PHETA1: variants seen among roughly 807,000 people sequenced by gnomAD.
PHETA1 encodes the protein PH domain containing endocytic trafficking adaptor 1, also known as sesquipedalian-1.
For missense variants in PHETA1, 348 were observed against 373.5 expected, an observed-to-expected ratio of 0.93 and a Z score of 0.56; for synonymous variants, 155 against 168.9, an observed-to-expected ratio of 0.92 and a Z score of 0.64.
chr12:111,364,616 C>G (rs560776997), intron 2 of PHETA1, among the ~76,000 whole-genome samples: 2 of 151,862 alleles, frequency 1.3e-5, no homozygotes, highest in Admixed American at 1.3e-4. Flanking sequence ...TACTAAAAAA[C>G]AGCCAGGTGA....
chr12:111,364,654 C>T (rs1280588265), intron 2 of PHETA1, among the ~76,000 whole-genome samples: 1 of 151,864 alleles, frequency 6.6e-6, no homozygotes, highest in Non-Finnish European at 1.5e-5. Context: ...ATCCCAGCTA[C>T]TTGGGAGACT....
chr12:111,363,136 G>C lies in PHETA1; in HGVS notation c.292C>G (p.Gln98Glu). ...ARTYVLAAES[Q>E]DAMEGWVKAL... ...TTGACCCAGCCCTCCATGGCATCCT[G>C]ACTCTCAGCGGCCAGCACGTAGGTG... Residue 98 changes from glutamine (Q) to glutamate (E), a missense_variant, in exon 3 of 3, where the codon CAG becomes GAG. By Grantham distance (29) the Gln-to-Glu change is conservative. Coordinates refer to ENST00000683047, the MANE Select transcript of PHETA1 (RefSeq NM_144671.6). This position sits in a 1 kb window ranked among gnomAD's most constrained non-coding sequence, Gnocchi z 7.4. 6.2e-7 allele frequency: 1 copy of C among 1,609,586 alleles called. No homozygotes were observed. Among genetic ancestry groups the C allele is most frequent in the Non-Finnish European group, 8.5e-7 (1 of 1,179,608 alleles).
rs976828554 is a variant in PHETA1 at position 111,361,438 on chromosome 12, G to C, written c.*1240C>G. On this transcript the variant is annotated 3_prime_UTR_variant, in exon 3 of 3. Transcript: ENST00000683047. Reference sequence around the variant, plus strand: ...AGAGGCAGCGTTTGGGAAAATCAAGGTCAGGGTGGAGGTGTCCTCAGGGGG... The same window carrying C: ...AGAGGCAGCGTTTGGGAAAATCAAGCTCAGGGTGGAGGTGTCCTCAGGGGG... 6.3e-6 allele frequency: 1 copy of C among 158,134 alleles called. No individual in the cohort carries two copies. Among genetic ancestry groups the C allele is most frequent in the Admixed American group, 6.1e-5 (1 of 16,446 alleles). The allele number at this position is 158,134 out of a possible 1,614,324, so 9.8% of individuals were successfully genotyped here.
intron 1 of PHETA1, among the ~76,000 whole-genome samples, chr12:111,366,517 C>T (rs1869042387): frequency 6.6e-6 from 1 of 152,172 alleles, no homozygotes; most frequent in Non-Finnish European, 1.5e-5. Context: ...TCTTCCAAAT[C>T]AGTTGCCTAA....
rs780501638 is a variant in PHETA1, at chr12:111,363,175, C to T, written c.253G>A (p.Gly85Arg). The change falls in exon 3 of 3, where the codon GGG becomes AGG. Residue 85 changes from glycine (G) to arginine (R), a missense_variant. By Grantham distance (125) the Gly-to-Arg change is moderately radical (BLOSUM62 -2). Coordinates refer to ENST00000683047, the MANE Select transcript of PHETA1 (RefSeq NM_144671.6). The surrounding 1 kb of genome is among the most constrained non-coding windows in gnomAD (Gnocchi z 7.4). ...EEFAFAVRFA[G>R]TRARTYVLAA... ...AGCACGTAGGTGCGCGCCCGGGTCC[C>T]CGCAAAGCGCACAGCGAAGGCGAAC... is the stretch of plus-strand genomic sequence containing the variant. 6.2e-7 allele frequency: 1 copy of T among 1,612,470 alleles called. No individual in the cohort carries two copies. The highest frequency in any genetic ancestry group is 1.7e-5 in the Admixed American group (1 of 59,996).
rs536649229 is a variant in PHETA1, at chr12:111,367,808, C to T, written c.-182+1104G>A. Among the ~76,000 whole-genome samples the T allele has an allele frequency of 6.6e-6, 1 of 152,346 alleles. No homozygotes were observed. Among genetic ancestry groups the T allele is most frequent in the South Asian group, 2.1e-4 (1 of 4,832 alleles). On this transcript the variant is annotated intron_variant, in intron 1 of 2. Transcript: ENST00000683047. This position sits in a 1 kb window ranked among gnomAD's most constrained non-coding sequence, Gnocchi z 4.0. ...AAGGCCTGGCCCCTGCCTTATCTCC[C>T]CACACTGTTTTCCAAGAAGTTCAGA...
In PHETA1 at chr12:111,363,593, G is replaced by C; in HGVS notation, c.-36-130C>G. On this transcript the variant is annotated intron_variant, in intron 2 of 2. Coordinates refer to ENST00000683047, the MANE Select transcript of PHETA1 (RefSeq NM_144671.6). The surrounding 1 kb of genome is among the most constrained non-coding windows in gnomAD (Gnocchi z 7.4). The stretch of plus-strand genomic sequence containing the variant: ...GGAAACTGACGCTCATAGGGTGGAA[G>C]CAGCTGGCCTATGCGCCCACAACTC... 6.5e-7 allele frequency: 1 copy of C among 1,531,946 alleles called. No homozygotes were observed. The highest frequency in any genetic ancestry group is 1.2e-5 in the South Asian group (1 of 83,152). The allele number at this position is 1,531,946 out of a possible 1,614,324, so 94.9% of individuals were successfully genotyped here.
In PHETA1 at chr12:111,363,555, G is replaced by C; in HGVS notation, c.-36-92C>G. The C allele has an allele frequency of 1.3e-6, 2 of 1,530,474 alleles. No individual in the cohort carries two copies. Among genetic ancestry groups the C allele is most frequent in the Admixed American group, 3.9e-5 (2 of 50,750 alleles). The allele number at this position is 1,530,474 out of a possible 1,614,324, so 94.8% of individuals were successfully genotyped here. On this transcript the variant is annotated intron_variant, in intron 2 of 2. Transcript: ENST00000683047. This position sits in a 1 kb window ranked among gnomAD's most constrained non-coding sequence, Gnocchi z 7.4. ...GACCTTGCAGCCACTCTACATCCCC[G>C]TTTCACAGATGAGGAAACTGACGCT...
Position 111,363,539 on chromosome 12 carries a change from G to A in PHETA1, c.-36-76C>T. ...CCCAGTGCCCCAAGGGGACCTTGCA[G>A]CCACTCTACATCCCCGTTTCACAGA... On this transcript the variant is annotated intron_variant, in intron 2 of 2. Coordinates refer to ENST00000683047, the MANE Select transcript of PHETA1 (RefSeq NM_144671.6). The surrounding 1 kb of genome is among the most constrained non-coding windows in gnomAD (Gnocchi z 7.4). The A allele has an allele frequency of 3.9e-6, 6 of 1,531,930 alleles. No individual in the cohort carries two copies. Among genetic ancestry groups the A allele is most frequent in the Non-Finnish European group, 5.3e-6 (6 of 1,142,572 alleles). The allele number at this position is 1,531,930 out of a possible 1,614,324, so 94.9% of individuals were successfully genotyped here. A position where few individuals can be genotyped will look rare whatever the true frequency, so the allele number is the denominator to read the frequency against.
chr12:111,362,771 CA>C lies in PHETA1; in HGVS notation c.656del (p.Leu219ArgfsTer84). On this transcript the variant is annotated frameshift_variant, in exon 3 of 3. Coordinates refer to ENST00000683047, the MANE Select transcript of PHETA1 (RefSeq NM_144671.6). LOFTEE classifies it low-confidence loss of function (END_TRUNC). The part of the protein sequence containing the change: ...RRRASAPHGP[L>X]DMAPFARLHE... The stretch of plus-strand genomic sequence containing the variant: ...GCAGCCGGGCGAAGGGGGCCATGTC[CA>C]GGGGCCCGTGGGGTGCCGAGGCCCG... 1 of 1,540,512 alleles carries C rather than the reference CA, an allele frequency of 6.5e-7. No homozygotes were observed.
chr12:111,365,731 G>T (rs1868985897), intron 2 of PHETA1: 2 of 332,846 alleles, frequency 6.0e-6, no homozygotes, highest in Non-Finnish European at 1.2e-5. Flanking sequence ...ATGGACACAG[G>T]GAGGGGCAGA....
Position 111,365,574 on chromosome 12 carries a change from T to C in PHETA1, c.-37+539A>G, listed in dbSNP as rs551461906. 5.1e-5 allele frequency: 23 copies of C among 455,254 alleles called. No individual in the cohort carries two copies. The East Asian group carries it at 1.6e-3, about 32-fold the overall frequency. The allele number at this position is 455,254 out of a possible 1,614,324, so 28.2% of individuals were successfully genotyped here. A position where few individuals can be genotyped will look rare whatever the true frequency, so the allele number is the denominator to read the frequency against. ...GTGGTACATACACACCATGGAAAACTATCCAGCCATAAAAAGGAATGAGAT... is the reference window on the plus strand; with the variant it reads ...GTGGTACATACACACCATGGAAAACCATCCAGCCATAAAAAGGAATGAGAT... On this transcript the variant is annotated intron_variant, in intron 2 of 2. Transcript: ENST00000683047.
chr12:111,360,942 C>T lies in PHETA1; in HGVS notation c.*1736G>A, dbSNP rs1353738606. On this transcript the variant is annotated 3_prime_UTR_variant, in exon 3 of 3. Transcript: ENST00000683047. Reference sequence around the variant, plus strand: ...GAAGCTCTGAACCCCTCCCATGCCCCAGATCCTGTGCCACCCACACCCACA... The same window carrying T: ...GAAGCTCTGAACCCCTCCCATGCCCTAGATCCTGTGCCACCCACACCCACA... 6.5e-6 allele frequency: 1 copy of T among 152,728 alleles called. No individual in the cohort carries two copies. The highest frequency in any genetic ancestry group is 6.5e-5 in the Admixed American group (1 of 15,288). 9.5% of individuals were successfully genotyped at this position (152,728 alleles called of 1,614,324 possible). A position where few individuals can be genotyped will look rare whatever the true frequency, so the allele number is the denominator to read the frequency against.
At position 111,363,357 on chromosome 12, in the gene PHETA1, A is replaced by G; in HGVS notation, c.71T>C (p.Leu24Pro). ...CDAPVDNAGFLYKKGGRHAAY... is the reference protein window; with the variant it reads ...CDAPVDNAGFPYKKGGRHAAY... ...CGCGTGCCGCCCACCCTTCTTGTAC[A>G]GGAAGCCTGCATTGTCCACCGGGGC... is the stretch of plus-strand genomic sequence containing the variant. The change falls in exon 3 of 3, where the codon CTG (leucine) becomes CCG (proline). Residue 24 changes from leucine (L) to proline (P), a missense_variant. Leu to Pro is a moderately conservative substitution (Grantham distance 98). Coordinates refer to ENST00000683047, the MANE Select transcript of PHETA1 (RefSeq NM_144671.6). The surrounding 1 kb of genome is among the most constrained non-coding windows in gnomAD (Gnocchi z 7.4). 1 of 1,613,100 alleles carries G rather than the reference A, an allele frequency of 6.2e-7. No individual in the cohort carries two copies.
At position 111,363,470 on chromosome 12, in the gene PHETA1, C is replaced by A. The variant is rs748139222; in HGVS notation, c.-36-7G>T. 2 of 1,588,944 alleles carry A rather than the reference C, an allele frequency of 1.3e-6. No homozygotes were observed. The highest frequency in any genetic ancestry group is 4.5e-5 in the East Asian group (2 of 44,456). Reference sequence around the variant, plus strand: ...CTGGAGGGGAGCCTGGGGCCTGGACCCCATAGAAGGGCTGTTATGCACAAG... The same window carrying A: ...CTGGAGGGGAGCCTGGGGCCTGGACACCATAGAAGGGCTGTTATGCACAAG... On this transcript the variant is annotated splice_polypyrimidine_tract_variant and splice_region_variant and intron_variant, in intron 2 of 2. Coordinates refer to ENST00000683047, the MANE Select transcript of PHETA1 (RefSeq NM_144671.6). The surrounding 1 kb of genome is among the most constrained non-coding windows in gnomAD (Gnocchi z 7.4).
rs1357661397 is a variant in PHETA1 at position 111,363,698 on chromosome 12, C to T, written c.-36-235G>A. ...CTCATAACCTCCTACCCTCCTGTAT[C>T]CCTGAAATAATGTTGTGAGTTCCTG... On this transcript the variant is annotated intron_variant, in intron 2 of 2. Coordinates refer to ENST00000683047, the MANE Select transcript of PHETA1 (RefSeq NM_144671.6). This position sits in a 1 kb window ranked among gnomAD's most constrained non-coding sequence, Gnocchi z 7.4. The T allele has an allele frequency of 2.6e-6, 4 of 1,526,922 alleles. No individual in the cohort carries two copies. In the South Asian group the frequency reaches 4.8e-5, roughly 18 times the overall value. The allele number at this position is 1,526,922 out of a possible 1,614,324, so 94.6% of individuals were successfully genotyped here.
Position 111,361,583 on chromosome 12 carries a change from G to A in PHETA1, c.*1095C>T, listed in dbSNP as rs542940310. 23 of 266,838 alleles carry A rather than the reference G, an allele frequency of 8.6e-5. No individual in the cohort carries two copies. Among genetic ancestry groups the A allele is most frequent in the Non-Finnish European group, 9.0e-5 (12 of 133,008 alleles). The allele number at this position is 266,838 out of a possible 1,614,324, so 16.5% of individuals were successfully genotyped here. A position where few individuals can be genotyped will look rare whatever the true frequency, so the allele number is the denominator to read the frequency against. ...CACTGTGGTGAGAAGAAAGGGGACC[G>A]GCGGTCAGCCCCGAAGCCAAGCAAG... On this transcript the variant is annotated 3_prime_UTR_variant, in exon 3 of 3. Coordinates refer to ENST00000683047, the MANE Select transcript of PHETA1 (RefSeq NM_144671.6).
intron 2 of PHETA1, among the ~76,000 whole-genome samples, chr12:111,365,851 G>A (rs976020923): frequency 2.6e-5 from 4 of 152,116 alleles, no homozygotes; most frequent in Non-Finnish European, 5.9e-5. Flanking sequence ...TGACAAGCCT[G>A]CATGTTCTGC....
Position 111,362,600 on chromosome 12 carries a change from C to T in PHETA1, c.*78G>A. On this transcript the variant is annotated 3_prime_UTR_variant, in exon 3 of 3. Coordinates refer to ENST00000683047, the MANE Select transcript of PHETA1 (RefSeq NM_144671.6). The stretch of plus-strand genomic sequence containing the variant: ...CCCATGATTTCCCTCAGGATCTGCT[C>T]CCCCAGTCTCTCCAGGACCCGGCCT... The T allele has an allele frequency of 6.5e-7, 1 of 1,543,680 alleles. No homozygotes were observed. The highest frequency in any genetic ancestry group is 8.7e-7 in the Non-Finnish European group (1 of 1,146,664).
Sources: allele counts gnomAD v4.1 joint callset (sites outside exome capture counted in the v4.1 genomes callset), GRCh38; gene constraint gnomAD v4.1.1; non-coding constraint Gnocchi (gnomAD v3.1); transcripts MANE v1.5; gene names NCBI Gene and HGNC (gene_info 2026-07-23, HGNC 2026-07-21).